The following ZPBP variants were observed in gnomAD, a reference collection of about 807,000 sequenced individuals.
The protein encoded by ZPBP is zona pellucida binding protein.
In ZPBP, 26 loss-of-function variants were observed where a neutral mutation model predicts 44.8. That is an observed-to-expected ratio of 0.58 (90% CI 0.43 to 0.81). ZPBP has a LOEUF of 0.81. Ranked by LOEUF, ZPBP falls within the 30% of genes least tolerant of loss-of-function variation. ZPBP has a pLI of 0.00. For missense variants in ZPBP, 409 were observed against 434.0 expected (o/e 0.94, Z 0.51); for synonymous variants, 174 against 153.2 (o/e 1.14, Z -1.00).
At chr7:50,030,656 A>C (rs1024769810) in intron 5 of ZPBP, among the ~76,000 whole-genome samples, 4 of 151,862 alleles carry the variant, frequency 2.6e-5, no homozygotes, top group African/African-American at 7.3e-5. Context: ...TATAAAGATA[A>C]ATATAAAGAT....
chr7:49,877,788 CATT>C (rs919878960), intron 2 of ZPBP, among the ~76,000 whole-genome samples: 16 of 151,238 alleles, frequency 1.1e-4, no homozygotes, highest in African/African-American at 3.2e-4. Context: ...TTATTGTTGT[CATT>C]ATTATTATTT....
chr7:49,996,821 C>T (rs1000028091), intron 6 of ZPBP, among the ~76,000 whole-genome samples: 9 of 152,202 alleles, frequency 5.9e-5, no homozygotes, highest in Admixed American at 1.3e-4. Flanking sequence ...CAATGCCATA[C>T]GTCTGCATAT....
chr7:49,982,300 A>AT (rs1359846682), intron 7 of ZPBP, among the ~76,000 whole-genome samples: 16 of 17,500 alleles, frequency 9.1e-4, no homozygotes, highest in African/African-American at 8.3e-3. Context: ...TAATATATAT[A>AT]ATATATAATT....
rs569954722 is a variant in ZPBP, at chr7:50,025,541, T to C, written c.706+5551A>G. On this transcript the variant is annotated intron_variant, in intron 5 of 7. Transcript: ENST00000046087. Reference sequence around the variant, plus strand: ...AAACGGCAATTCAAGGGAGAAAATATAGTCATTTAAAAAATGATGCTTGAC... The same window carrying C: ...AAACGGCAATTCAAGGGAGAAAATACAGTCATTTAAAAAATGATGCTTGAC... Among the ~76,000 whole-genome samples the C allele has an allele frequency of 6.6e-5, 10 of 151,956 alleles. No homozygotes were observed. In the East Asian group the frequency reaches 1.2e-3, roughly 18 times the overall value.
At chr7:50,034,404 C>T (rs1169739256) in intron 4 of ZPBP, among the ~76,000 whole-genome samples, 1 of 152,094 alleles carries the variant, frequency 6.6e-6, no homozygotes, top group Non-Finnish European at 1.5e-5. Context: ...TATGTATGTA[C>T]AGAAAGTTCA....
rs150953956 is a variant in ZPBP at position 49,890,730 on chromosome 7, C to CA, written n.509+10387dup. Among the ~76,000 whole-genome samples, 283 of 145,638 alleles carry CA rather than the reference C, an allele frequency of 1.9e-3. 1 individual carries two copies. Among genetic ancestry groups the CA allele is most frequent in the South Asian group, 9.1e-3 (41 of 4,530 alleles). On this transcript the variant is annotated intron_variant and non_coding_transcript_variant, in intron 2 of 2. Transcript: ENST00000465922. ...ACACACATTAAAACACAAAGCAAAA[C>CA]AAAAAAAAAAAAAACTGATTTGAAA... is the stretch of plus-strand genomic sequence containing the variant.
intron 6 of ZPBP, among the ~76,000 whole-genome samples, chr7:49,991,069 C>T (rs1797550343): frequency 6.6e-6 from 1 of 152,032 alleles, no homozygotes; most frequent in Admixed American, 6.6e-5. Flanking sequence ...GATTAACACC[C>T]ATATTTGGGA....
chr7:50,041,944 T>G (rs1472827859), intron 4 of ZPBP, among the ~76,000 whole-genome samples: 2 of 152,050 alleles, frequency 1.3e-5, no homozygotes, highest in African/African-American at 4.8e-5. Flanking sequence ...TTAGACGAAT[T>G]GCTAACTAGA....
At chr7:49,977,455 AC>A (rs1450501245) in intron 7 of ZPBP, among the ~76,000 whole-genome samples, 2 of 152,198 alleles carry the variant, frequency 1.3e-5, no homozygotes, top group Non-Finnish European at 2.9e-5. Flanking sequence ...TTATTTAAAA[AC>A]ATTTTTACCT....
Position 49,983,418 on chromosome 7 carries a change from T to A in ZPBP, c.885A>T (p.Gln295His). ...GAAAGCAGCGATTAATCCAAACCATTTGGAGAGTACCTTCAATATAGTATA... is the reference window on the plus strand; with the variant it reads ...GAAAGCAGCGATTAATCCAAACCATATGGAGAGTACCTTCAATATAGTATA... ...PQIYYIEGTL[Q>H]MVWINRCFPG... is the part of the protein sequence containing the mutation. The change falls in exon 7 of 8, where the codon CAA (glutamine) becomes CAT (histidine). Residue 295 changes from glutamine to histidine, a missense_variant. Transcript: ENST00000046087. 1 of 1,613,304 alleles carries A rather than the reference T, an allele frequency of 6.2e-7. No homozygotes were observed. Among genetic ancestry groups the A allele is most frequent in the South Asian group, 1.1e-5 (1 of 91,060 alleles).
At chr7:50,020,742 A>G (rs951380743) in intron 5 of ZPBP, among the ~76,000 whole-genome samples, 1 of 150,414 alleles carries the variant, frequency 6.6e-6, no homozygotes, top group Admixed American at 6.6e-5. Flanking sequence ...AGAAACATGG[A>G]AAAAAATGAA....
intron 4 of ZPBP, among the ~76,000 whole-genome samples, chr7:50,039,196 T>C (rs1190759285): frequency 1.3e-5 from 2 of 152,034 alleles, no homozygotes; most frequent in Non-Finnish European, 2.9e-5. Context: ...GAAGATATGG[T>C]TATAAAATCA....
At chr7:50,012,738 G>T (rs1201166011) in intron 6 of ZPBP, among the ~76,000 whole-genome samples, 1 of 147,904 alleles carries the variant, frequency 6.8e-6, no homozygotes, top group East Asian at 2.0e-4. Context: ...AGAAAGAAAA[G>T]GACACCCATT....
intron 2 of ZPBP, among the ~76,000 whole-genome samples, chr7:49,892,268 G>A (rs1792175052): frequency 6.6e-6 from 1 of 151,690 alleles, no homozygotes; most frequent in Non-Finnish European, 1.5e-5. Flanking sequence ...GGATGGTCTC[G>A]ATCTCCTGAC....
intron 6 of ZPBP, among the ~76,000 whole-genome samples, chr7:49,997,787 T>G (rs1040240028): frequency 1.3e-5 from 2 of 152,228 alleles, no homozygotes; most frequent in Non-Finnish European, 2.9e-5. Context: ...AAGCCACTTG[T>G]GCTGGCAAAG....
intron 2 of ZPBP, among the ~76,000 whole-genome samples, chr7:49,862,924 A>G (rs1790717186): frequency 6.6e-6 from 1 of 152,050 alleles, no homozygotes; most frequent in Non-Finnish European, 1.5e-5. Flanking sequence ...ATTTACCTAT[A>G]CTTTTCTTGT....
intron 5 of ZPBP, among the ~76,000 whole-genome samples, chr7:50,023,393 A>C (rs562675915): frequency 4.8e-4 from 73 of 152,176 alleles, no homozygotes; most frequent in Middle Eastern, 3.4e-3. Context: ...AGTCTTATTC[A>C]AGAAAAAGTC....
chr7:49,939,045 T>C (rs1794741249), intron 7 of ZPBP, among the ~76,000 whole-genome samples: 1 of 152,158 alleles, frequency 6.6e-6, no homozygotes, highest in Non-Finnish European at 1.5e-5. Context: ...ACAAAGTAGA[T>C]TTATTTCCTC....
chr7:49,959,004 C>A (rs907098577), intron 7 of ZPBP, among the ~76,000 whole-genome samples: 2 of 151,894 alleles, frequency 1.3e-5, no homozygotes, highest in Admixed American at 1.3e-4. Flanking sequence ...GGTTTTTATC[C>A]CAGAAATGCA....
Sources: allele counts gnomAD v4.1 joint callset (sites outside exome capture counted in the v4.1 genomes callset), GRCh38; gene constraint gnomAD v4.1.1; transcripts MANE v1.5; gene names NCBI Gene and HGNC (gene_info 2026-07-23, HGNC 2026-07-21).